The following GOLIM4 variants were observed in gnomAD, a reference collection of about 807,000 sequenced individuals.
GOLIM4 encodes the protein 130 kDa golgi-localized phosphoprotein.
Under a neutral mutation model 107.4 loss-of-function variants are expected in GOLIM4, and 71 were observed. The observed-to-expected ratio is 0.66, with a 90% confidence interval of 0.55 to 0.81. GOLIM4 has a LOEUF of 0.81. GOLIM4 is among the 30% of genes least tolerant of loss of function. The probability of loss-of-function intolerance (pLI) is 0.00; values close to 1 mark genes in which losing one functional copy is unlikely to be tolerated. For missense variants in GOLIM4, 830 were observed against 826.1 expected (o/e 1.00, Z -0.06); for synonymous variants, 327 against 294.8 (o/e 1.11, Z -1.12).
chr3:168,089,776 T>TC (rs1418563979), intron 1 of GOLIM4, among the ~76,000 whole-genome samples: 2 of 151,382 alleles, frequency 1.3e-5, no homozygotes, highest in African/African-American at 4.9e-5. Flanking sequence ...TCTCTTTTTT[T>TC]TTTTTTTTTT....
chr3:168,048,480 A>C (rs557195566), intron 1 of GOLIM4, 115 bp from the exon 2 acceptor site: 10 of 605,682 alleles, frequency 1.7e-5, no homozygotes, highest in African/African-American at 1.3e-4. Context: ...AATTTAAATA[A>C]AAACATATGT....
At chr3:168,079,109 A>T (rs2108286637) in intron 1 of GOLIM4, among the ~76,000 whole-genome samples, 1 of 152,306 alleles carries the variant, frequency 6.6e-6, no homozygotes, top group South Asian at 2.1e-4. Context: ...CAATCATATC[A>T]AAAAGCTGCT....
intron 1 of GOLIM4, among the ~76,000 whole-genome samples, chr3:168,066,940 T>C (rs1227917569): frequency 1.3e-5 from 2 of 152,158 alleles, no homozygotes; most frequent in African/African-American, 2.4e-5. Context: ...TGGTAGTTCT[T>C]GTGAGTGTGA....
chr3:168,031,483 T>C (rs1718336344), intron 9 of GOLIM4, among the ~76,000 whole-genome samples: 1 of 152,192 alleles, frequency 6.6e-6, no homozygotes, highest in Admixed American at 6.5e-5. Context: ...TATGCATCAA[T>C]AAAAAGTGTC....
intron 1 of GOLIM4, among the ~76,000 whole-genome samples, chr3:168,085,485 A>C (rs1721574658): frequency 6.6e-6 from 1 of 152,214 alleles, no homozygotes; most frequent in African/African-American, 2.4e-5. Context: ...AATTCAAAGA[A>C]GTTTCACAGG....
chr3:168,092,139 G>A (rs1165206884), intron 1 of GOLIM4, among the ~76,000 whole-genome samples: 1 of 152,188 alleles, frequency 6.6e-6, no homozygotes, highest in Admixed American at 6.5e-5. Flanking sequence ...AGACAATGGA[G>A]CATGGCTCAC....
chr3:168,018,127 A>G (rs781580569), intron 14 of GOLIM4, among the ~76,000 whole-genome samples: 4 of 152,150 alleles, frequency 2.6e-5, no homozygotes, highest in Admixed American at 2.6e-4. Flanking sequence ...GTCTCCTAAT[A>G]CCAAAGAAAG....
intron 1 of GOLIM4, among the ~76,000 whole-genome samples, chr3:168,064,316 T>C (rs1298515604): frequency 6.6e-6 from 1 of 152,248 alleles, no homozygotes; most frequent in African/African-American, 2.4e-5. Flanking sequence ...TCTGGTACAA[T>C]GTGGTTACCT....
At chr3:168,073,462 T>C (rs1720931933) in intron 1 of GOLIM4, among the ~76,000 whole-genome samples, 1 of 152,234 alleles carries the variant, frequency 6.6e-6, no homozygotes, top group African/African-American at 2.4e-5. Context: ...ATTTTATCCA[T>C]TTATCAAATA....
chr3:168,047,104 G>C, intron 2 of GOLIM4, 105 bp from the exon 3 acceptor site: 2 of 572,498 alleles, frequency 3.5e-6, no homozygotes, highest in Non-Finnish European at 6.2e-6. Context: ...AAGTGTTTTA[G>C]GTTTAAAACA....
chr3:168,027,972 A>G (rs1374932390), intron 11 of GOLIM4, 135 bp from the exon 12 acceptor site: 1 of 652,132 alleles, frequency 1.5e-6, no homozygotes, highest in Admixed American at 2.6e-5. Context: ...CATAAGGCCT[A>G]TGTCCTGGCT....
intron 1 of GOLIM4, among the ~76,000 whole-genome samples, chr3:168,063,225 A>T (rs767644268): frequency 1.2e-4 from 19 of 152,324 alleles, no homozygotes; most frequent in Non-Finnish European, 2.4e-4. Context: ...ACTCCTAAAG[A>T]CCATGAAGAC....
Position 168,043,458 on chromosome 3 carries a change from G to A in GOLIM4, c.438C>T (p.Phe146=). The A allele has an allele frequency of 1.2e-6, 2 of 1,612,884 alleles. No individual in the cohort carries two copies. The highest frequency in any genetic ancestry group is 1.7e-6 in the Non-Finnish European group (2 of 1,179,040). The change falls in exon 5 of 16, where the codon TTC becomes TTT. Residue 146 remains phenylalanine, a synonymous_variant. Transcript: ENST00000470487. ...GCTTATGGTCATTAAATGTTCTACTGAAGTCTTCCCCTTGTTTGCGATGTT... is the reference window on the plus strand; with the variant it reads ...GCTTATGGTCATTAAATGTTCTACTAAAGTCTTCCCCTTGTTTGCGATGTT... ...EEEHRKQGED[F]SRTFNDHKQK...
Position 168,095,383 on chromosome 3 carries a change from C to G in GOLIM4, c.-98G>C. Reference sequence around the variant, plus strand: ...GCGGCCGCCGCAGTAGGTGGCCAGACGCAGCATGAGGAGGAGATGCCAGAC... The same window carrying G: ...GCGGCCGCCGCAGTAGGTGGCCAGAGGCAGCATGAGGAGGAGATGCCAGAC... On this transcript the variant is annotated 5_prime_UTR_variant, in exon 1 of 16. Coordinates refer to ENST00000470487, the MANE Select transcript of GOLIM4 (RefSeq NM_014498.5). The G allele has an allele frequency of 9.9e-7, 1 of 1,007,886 alleles. No homozygotes were observed. The highest frequency in any genetic ancestry group is 1.4e-5 in the South Asian group (1 of 68,970). The allele number at this position is 1,007,886 out of a possible 1,614,324, so 62.4% of individuals were successfully genotyped here. A position where few individuals can be genotyped will look rare whatever the true frequency, so the allele number is the denominator to read the frequency against.
intron 1 of GOLIM4, among the ~76,000 whole-genome samples, chr3:168,055,321 C>A (rs1187701159): frequency 6.6e-6 from 1 of 152,124 alleles, no homozygotes; most frequent in African/African-American, 2.4e-5. Flanking sequence ...GAAATCCAGT[C>A]TGAGCTGGTC....
intron 1 of GOLIM4, 106 bp downstream of exon 1, chr3:168,094,993 G>C (rs917574581): frequency 1.5e-5 from 12 of 798,758 alleles, no homozygotes; most frequent in Non-Finnish European, 2.2e-5. Flanking sequence ...CTGAAGGTCA[G>C]AGGTGGCAAC....
intron 9 of GOLIM4, among the ~76,000 whole-genome samples, chr3:168,032,165 C>T (rs556454212): frequency 2.4e-4 from 36 of 152,212 alleles, no homozygotes; most frequent in Non-Finnish European, 1.8e-4. Flanking sequence ...TTTTTCTCTG[C>T]CTCAAGATGC....
intron 1 of GOLIM4, among the ~76,000 whole-genome samples, chr3:168,064,097 G>A (rs755314342): frequency 2.1e-4 from 32 of 152,154 alleles, no homozygotes; most frequent in Non-Finnish European, 3.4e-4. Context: ...CTTCACCATG[G>A]TCCCAGGAGG....
intron 1 of GOLIM4, among the ~76,000 whole-genome samples, chr3:168,062,927 C>T (rs763284690): frequency 2.6e-5 from 4 of 152,108 alleles, no homozygotes; most frequent in Middle Eastern, 3.2e-3. Context: ...TGAGAGTCCA[C>T]CGTGCCTTCC....
Sources: gnomAD v4.1 joint callset for allele counts (sites outside exome capture counted in the v4.1 genomes callset) on GRCh38, gnomAD v4.1.1 for gene constraint, MANE v1.5 for transcripts, NCBI Gene and HGNC (gene_info 2026-07-23, HGNC 2026-07-21) for gene names.